FAAP24: variants seen among roughly 807,000 people sequenced by gnomAD.
FAAP24 encodes Fanconi anemia core complex-associated protein 24.
Under a neutral mutation model 14.3 loss-of-function variants are expected in FAAP24, and 16 were observed. The observed-to-expected ratio is 1.12, with a 90% CI of 0.76 to 1.69. FAAP24 has a LOEUF of 1.69. FAAP24 is among the 40% of genes most tolerant of loss of function. The pLI, the probability that FAAP24 is intolerant of heterozygous loss-of-function variation, is 0.00. For missense variants in FAAP24, 234 were observed against 262.7 expected, an observed-to-expected ratio of 0.89 and a Z score of 0.75; for synonymous variants, 111 against 106.2, an observed-to-expected ratio of 1.04 and a Z score of -0.28.
chr19:32,976,451 G>A lies in FAAP24; in HGVS notation c.417G>A (p.Glu139=), dbSNP rs2304102. 612,170 of 1,613,660 alleles carry A rather than the reference G, an allele frequency of 0.38. 118,130 individuals carry two copies. The highest frequency in any genetic ancestry group is 0.57 in the Admixed American group (34,044 of 59,970). ...TTCAGGTTCAAGAGCAAACCAAAGA[G>A]CCCAGTAAGAACCCTCTTCTCGGGA... is the stretch of plus-strand genomic sequence containing the variant. ...VIQLVQEQTK[E]PSKNPLLGKK... The change falls in exon 5 of 5, where the codon GAG becomes GAA. Residue 139 remains glutamate, a synonymous_variant. Transcript: ENST00000588258.
rs749285710 is a variant in FAAP24 at position 32,977,918 on chromosome 19, C to CA, written c.*1254dup. ...TGGATGACAGAGTGAGACTCCATCT[C>CA]AAAAAAAAAAAAAAAAAATTTAAAG... On this transcript the variant is annotated 3_prime_UTR_variant, in exon 5 of 5. Coordinates refer to ENST00000588258, the MANE Select transcript of FAAP24 (RefSeq NM_152266.5). The CA allele has an allele frequency of 0.024, 2,443 of 101,814 alleles. 74 individuals are homozygous for CA. Among genetic ancestry groups the CA allele is most frequent in the African/African-American group, 0.081 (2,069 of 25,614 alleles). 6.3% of individuals were successfully genotyped at this position (101,814 alleles called of 1,614,324 possible).
Position 32,976,465 on chromosome 19 carries a change from C to T in FAAP24, c.431C>T (p.Pro144Leu), listed in dbSNP as rs1172251541. The change falls in exon 5 of 5, where the codon CCT (proline) becomes CTT (leucine). Residue 144 changes from proline (P) to leucine (L), a missense_variant. Transcript: ENST00000588258. ...CAAACCAAAGAGCCCAGTAAGAACC[C>T]TCTTCTCGGGAAGAAACGGGCCCTG... is the stretch of plus-strand genomic sequence containing the variant. Reference protein sequence around the residue: ...QEQTKEPSKNPLLGKKRALLL... With the variant: ...QEQTKEPSKNLLLGKKRALLL... The T allele has an allele frequency of 2.5e-6, 4 of 1,614,212 alleles. No individual in the cohort carries two copies. The highest frequency in any genetic ancestry group is 3.4e-6 in the Non-Finnish European group (4 of 1,180,038).
chr19:32,976,757 A>G lies in FAAP24; in HGVS notation c.*75A>G, dbSNP rs1971523958. The G allele has an allele frequency of 1.3e-6, 2 of 1,568,604 alleles. No individual in the cohort carries two copies. Among genetic ancestry groups the G allele is most frequent in the African/African-American group, 1.4e-5 (1 of 73,508 alleles). On this transcript the variant is annotated 3_prime_UTR_variant, in exon 5 of 5. Transcript: ENST00000588258. ...GATCTTGTTTTCAGCTTTAAAAACC[A>G]AGAGAATGGGCCGGGTGCACTGGCT...
intron 1 of FAAP24, among the ~76,000 whole-genome samples, chr19:32,972,573 A>T (rs1971444279): frequency 6.6e-6 from 1 of 152,046 alleles, no homozygotes; most frequent in Admixed American, 6.6e-5. Context: ...TACCATGCCC[A>T]GCCCAGGATT....
Position 32,976,547 on chromosome 19 carries a change from AG to A in FAAP24, c.514del (p.Val172LeufsTer16), listed in dbSNP as rs1159615734. 1.2e-6 allele frequency: 2 copies of A among 1,614,044 alleles called. No individual in the cohort carries two copies. Among genetic ancestry groups the A allele is most frequent in the African/African-American group, 2.7e-5 (2 of 74,928 alleles). ...TGCAGCAGATCCCAGGAGTTGGAAA[AG>A]TTAAAGCTCCCCTTCTCCTCCAGAA... ...TVQQIPGVGKVKAPLLLQKFP... is the reference protein window; with the variant it reads ...TVQQIPGVGKXKAPLLLQKFP... On this transcript the variant is annotated frameshift_variant, in exon 5 of 5. Transcript: ENST00000588258. LOFTEE classifies it high-confidence loss of function.
chr19:32,973,115 C>A, intron 1 of FAAP24, 69 bp from the exon 2 acceptor site: 2 of 1,200,216 alleles, frequency 1.7e-6, no homozygotes, highest in Non-Finnish European at 2.4e-6. Flanking sequence ...GAGGCCCTGG[C>A]TTGGAGTGGA....
At chr19:32,972,384 G>T in intron 1 of FAAP24, 38 bp downstream of exon 1, 1 of 401,660 alleles carries the variant, frequency 2.5e-6, no homozygotes, top group South Asian at 1.1e-4. Context: ...CTAGGCACGT[G>T]ATGAAAATGA....
At position 32,973,567 on chromosome 19, in the gene FAAP24, G is replaced by C; in HGVS notation, c.243+5G>C. The C allele has an allele frequency of 1.2e-6, 2 of 1,613,944 alleles. No homozygotes were observed. Among genetic ancestry groups the C allele is most frequent in the South Asian group, 2.2e-5 (2 of 91,046 alleles). Reference sequence around the variant, plus strand: ...AGGCTTGTTCGGGTTAGAAATGTAAGTATTAGGCTGGGTGCTGTGGCTCAC... The same window carrying C: ...AGGCTTGTTCGGGTTAGAAATGTAACTATTAGGCTGGGTGCTGTGGCTCAC... On this transcript the variant is annotated splice_donor_5th_base_variant and intron_variant, in intron 3 of 4. Transcript: ENST00000588258.
In FAAP24 at chr19:32,973,213, C is replaced by G; in HGVS notation, c.17C>G (p.Pro6Arg). 2.5e-6 allele frequency: 4 copies of G among 1,613,596 alleles called. No homozygotes were observed. The highest frequency in any genetic ancestry group is 1.7e-6 in the Non-Finnish European group (2 of 1,180,032). The change falls in exon 2 of 5, where the codon CCT (proline) becomes CGT (arginine). Residue 6 changes from proline to arginine, a missense_variant. Pro to Arg is a moderately radical substitution (Grantham distance 103, BLOSUM62 -2). Transcript: ENST00000588258. MEKNPPDDTGPVHVPL... is the reference protein window; with the variant it reads MEKNPRDDTGPVHVPL... ...AGACCATCCATGGAAAAGAACCCCC[C>G]TGATGATACGGGCCCCGTGCACGTG...
rs1367263642 is a variant in FAAP24 at position 32,976,756 on chromosome 19, C to G, written c.*74C>G. ...GGATCTTGTTTTCAGCTTTAAAAAC[C>G]AAGAGAATGGGCCGGGTGCACTGGC... On this transcript the variant is annotated 3_prime_UTR_variant, in exon 5 of 5. Transcript: ENST00000588258. 10 of 1,568,470 alleles carry G rather than the reference C, an allele frequency of 6.4e-6. No homozygotes were observed. The highest frequency in any genetic ancestry group is 6.9e-6 in the Non-Finnish European group (8 of 1,154,690).
intron 4 of FAAP24, among the ~76,000 whole-genome samples, chr19:32,975,990 C>T (rs886360350): frequency 2.6e-5 from 4 of 152,296 alleles, no homozygotes; most frequent in Middle Eastern, 3.4e-3. Flanking sequence ...CTTGCGTCAC[C>T]GTTCCTAACT....
In FAAP24 at chr19:32,972,715, C is replaced by CTTTT. The variant is rs56020597; in HGVS notation, c.-14+384_-14+387dup. ...GGCCTTTGTGTTTTCTTTTTCTTTTCTTTTTTTTTTTTTTTTTTGAGACGA... is the reference window on the plus strand; with the variant it reads ...GGCCTTTGTGTTTTCTTTTTCTTTTCTTTTTTTTTTTTTTTTTTTTTTGAGACGA... On this transcript the variant is annotated intron_variant, in intron 1 of 4. Transcript: ENST00000588258. Among the ~76,000 whole-genome samples the CTTTT allele has an allele frequency of 3.6e-3, 360 of 100,710 alleles. 6 individuals carry two copies. The highest frequency in any genetic ancestry group is 0.016 in the East Asian group (64 of 4,112). The allele number at this position is 100,710 out of a possible 152,430, so 66.1% of individuals were successfully genotyped here.
intron 4 of FAAP24, among the ~76,000 whole-genome samples, chr19:32,976,177 A>C (rs1167528039): frequency 6.6e-6 from 1 of 152,194 alleles, no homozygotes; most frequent in Non-Finnish European, 1.5e-5. Context: ...AAGTGTTTGA[A>C]TTCATCTGTG....
In FAAP24 at chr19:32,973,223, G is replaced by A. The variant is rs760413240; in HGVS notation, c.27G>A (p.Thr9=). 12 of 1,613,696 alleles carry A rather than the reference G, an allele frequency of 7.4e-6. No homozygotes were observed. Among genetic ancestry groups the A allele is most frequent in the South Asian group, 1.1e-5 (1 of 91,052 alleles). The part of the protein sequence containing the change: MEKNPPDD[T]GPVHVPLGHI... ...TGGAAAAGAACCCCCCTGATGATACGGGCCCCGTGCACGTGCCTTTGGGGC... is the reference window on the plus strand; with the variant it reads ...TGGAAAAGAACCCCCCTGATGATACAGGCCCCGTGCACGTGCCTTTGGGGC... Residue 9 remains threonine, a synonymous_variant, in exon 2 of 5, where the codon ACG becomes ACA. Transcript: ENST00000588258.
chr19:32,977,261 A>C lies in FAAP24; in HGVS notation c.*579A>C, dbSNP rs1211849012. On this transcript the variant is annotated 3_prime_UTR_variant, in exon 5 of 5. Transcript: ENST00000588258. ...AGAGAGTCAGGGACTCACACTCAGC[A>C]AAAAGCATTAGGGCCGATTTTAATG... The C allele has an allele frequency of 7.5e-6, 3 of 398,850 alleles. No homozygotes were observed. The highest frequency in any genetic ancestry group is 1.3e-5 in the Non-Finnish European group (3 of 226,378). The allele number at this position is 398,850 out of a possible 1,614,324, so 24.7% of individuals were successfully genotyped here.
chr19:32,973,673 G>A, intron 3 of FAAP24, 111 bp downstream of exon 3: 1 of 1,128,512 alleles, frequency 8.9e-7, no homozygotes, highest in Non-Finnish European at 1.3e-6. Context: ...TGGCCAACAT[G>A]GTGAAACCCT....
At position 32,973,235 on chromosome 19, in the gene FAAP24, C is replaced by T; in HGVS notation, c.39C>T (p.His13=). The change falls in exon 2 of 5, where the codon CAC becomes CAT. Residue 13 remains histidine (H), a synonymous_variant. Transcript: ENST00000588258. ...CCCCTGATGATACGGGCCCCGTGCACGTGCCTTTGGGGCATATTGTGGCCA... is the reference window on the plus strand; with the variant it reads ...CCCCTGATGATACGGGCCCCGTGCATGTGCCTTTGGGGCATATTGTGGCCA... ...KNPPDDTGPV[H]VPLGHIVANE... The T allele has an allele frequency of 2.5e-6, 4 of 1,613,962 alleles. No homozygotes were observed. The highest frequency in any genetic ancestry group is 3.4e-6 in the Non-Finnish European group (4 of 1,180,016).
rs1971448303 is a variant in FAAP24 at position 32,972,709 on chromosome 19, TC to T, written c.-14+364del. Reference sequence around the variant, plus strand: ...CATTCAGGCCTTTGTGTTTTCTTTTTCTTTTCTTTTTTTTTTTTTTTTTTGA... The same window carrying T: ...CATTCAGGCCTTTGTGTTTTCTTTTTTTTTCTTTTTTTTTTTTTTTTTTGA... On this transcript the variant is annotated intron_variant, in intron 1 of 4. Coordinates refer to ENST00000588258, the MANE Select transcript of FAAP24 (RefSeq NM_152266.5). Among the ~76,000 whole-genome samples, 3 of 113,410 alleles carry T rather than the reference TC, an allele frequency of 2.6e-5. No individual in the cohort carries two copies. In the South Asian group the frequency reaches 9.6e-4, roughly 36 times the overall value. The allele number at this position is 113,410 out of a possible 152,430, so 74.4% of individuals were successfully genotyped here.
At chr19:32,974,906 C>T (rs1032879812) in intron 4 of FAAP24, among the ~76,000 whole-genome samples, 3 of 151,612 alleles carry the variant, frequency 2.0e-5, no homozygotes, top group African/African-American at 4.8e-5. Flanking sequence ...GGCGGAGTCT[C>T]GCTCTGTCCT....
Sources: gnomAD v4.1 joint callset for allele counts (sites outside exome capture counted in the v4.1 genomes callset) on GRCh38, gnomAD v4.1.1 for gene constraint, MANE v1.5 for transcripts, NCBI Gene and HGNC (gene_info 2026-07-23, HGNC 2026-07-21) for gene names.